Variants in NSUN2 observed in about 807,000 individuals in gnomAD.
The protein encoded by NSUN2 is NOP2/Sun RNA methyltransferase 2.
NSUN2 carries 63 observed loss-of-function variants against 92.7 expected under a neutral mutation model. The ratio of observed to expected loss-of-function variants is 0.68; its 90% confidence interval spans 0.56 to 0.84. The LOEUF is 0.84. NSUN2 is among the 40% of genes least tolerant of loss of function. The pLI is 0.00. For missense variants in NSUN2, 989 were observed against 964.9 expected (o/e 1.02, Z -0.33); for synonymous variants, 356 against 348.3 (o/e 1.02, Z -0.25).
At chr5:6,619,574 T>C (rs1737352064) in intron 7 of NSUN2, among the ~76,000 whole-genome samples, 1 of 152,210 alleles carries the variant, frequency 6.6e-6, no homozygotes, top group Non-Finnish European at 1.5e-5. Flanking sequence ...ACTCTAAATA[T>C]CTAAAATGTT....
intron 3 of NSUN2, among the ~76,000 whole-genome samples, chr5:6,628,876 C>T (rs1388784692): frequency 6.6e-6 from 1 of 152,078 alleles, no homozygotes; most frequent in Non-Finnish European, 1.5e-5. Flanking sequence ...AACTCCATCT[C>T]TACAAAAAAA....
rs139224594 is a variant in NSUN2 at position 6,600,205 on chromosome 5, G to A, written c.2025C>T (p.Ile675=). The A allele has an allele frequency of 7.4e-6, 12 of 1,614,142 alleles. No homozygotes were observed. The highest frequency in any genetic ancestry group is 5.3e-5 in the African/African-American group (4 of 75,042). The change falls in exon 19 of 19, where the codon ATC becomes ATT. Residue 675 remains isoleucine (I), a synonymous_variant. Transcript: ENST00000264670. ...SANPDALQCP[I]VLCGWRGKAS... is the part of the protein sequence containing the mutation. ...CCTTTCCCCGCCATCCGCATAAGACGATGGGACACTGCAGAGCGTCTGGAT... is the reference window on the plus strand; with the variant it reads ...CCTTTCCCCGCCATCCGCATAAGACAATGGGACACTGCAGAGCGTCTGGAT...
intron 3 of NSUN2, among the ~76,000 whole-genome samples, chr5:6,627,174 A>G (rs534411435): frequency 3.0e-4 from 46 of 152,218 alleles, no homozygotes; most frequent in South Asian, 8.3e-4. Context: ...AGCCAAAAGA[A>G]AATCATATTC....
rs751723544 is a variant in NSUN2 at position 6,606,772 on chromosome 5, CTATAG to C, written c.1601+43_1601+47del. The stretch of plus-strand genomic sequence containing the variant: ...TGTGATCAGTTGTACATTTGATACT[CTATAG>C]TAAATTTCTTTAAATGAATAATTAA... On this transcript the variant is annotated intron_variant, in intron 14 of 18. Coordinates refer to ENST00000264670, the MANE Select transcript of NSUN2 (RefSeq NM_017755.6). 11 of 1,028,366 alleles carry C rather than the reference CTATAG, an allele frequency of 1.1e-5. No homozygotes were observed. In the African/African-American group the frequency reaches 1.6e-4, roughly 15 times the overall value. 63.7% of individuals were successfully genotyped at this position (1,028,366 alleles called of 1,614,324 possible).
At position 6,613,434 on chromosome 5, in the gene NSUN2, G is replaced by A. The variant is rs745713917; in HGVS notation, c.1022-1636C>T. 7.7e-4 allele frequency among the ~76,000 whole-genome samples: 117 copies of A among 152,160 alleles called. 1 individual carries two copies. Among genetic ancestry groups the A allele is most frequent in the Non-Finnish European group, 1.5e-3 (100 of 68,042 alleles). On this transcript the variant is annotated intron_variant, in intron 9 of 18. Transcript: ENST00000264670. ...CTGGCTGTTCTTTGAAATCTCCTAT[G>A]TGGAGGCAGAAGCCAGCCCCTGACC...
intron 3 of NSUN2, 75 bp from the exon 4 acceptor site, chr5:6,625,744 C>T: frequency 1.0e-6 from 1 of 979,778 alleles, no homozygotes; most frequent in Non-Finnish European, 1.6e-6. Context: ...GTGCTTCTAT[C>T]AGTCGCATGC....
chr5:6,605,752 C>T (rs1336664974), intron 14 of NSUN2, among the ~76,000 whole-genome samples: 1 of 151,056 alleles, frequency 6.6e-6, no homozygotes, highest in Admixed American at 6.6e-5. Flanking sequence ...AGCTGGAGTG[C>T]AGTGGCGCAG....
At chr5:6,608,623 GAA>G (rs1213784422) in intron 12 of NSUN2, among the ~76,000 whole-genome samples, 1 of 152,206 alleles carries the variant, frequency 6.6e-6, no homozygotes, top group Non-Finnish European at 1.5e-5. Flanking sequence ...GGGGCTAATT[GAA>G]AAAATGTCAA....
intron 3 of NSUN2, among the ~76,000 whole-genome samples, chr5:6,631,599 G>A (rs1041670925): frequency 6.6e-6 from 1 of 152,220 alleles, no homozygotes; most frequent in African/African-American, 2.4e-5. Context: ...GGCTGTAAAA[G>A]GGAGCTGGCG....
In NSUN2 at chr5:6,607,144, C is replaced by A; in HGVS notation, c.1508+56G>T. On this transcript the variant is annotated intron_variant, in intron 13 of 18. Coordinates refer to ENST00000264670, the MANE Select transcript of NSUN2 (RefSeq NM_017755.6). ...AGTGGCTCTGGGATCCCATTTAATC[C>A]AAAAGGACTGTGAAGACACCAGCGT... is the stretch of plus-strand genomic sequence containing the variant. 8 of 1,567,106 alleles carry A rather than the reference C, an allele frequency of 5.1e-6. No individual in the cohort carries two copies. In the South Asian group the frequency reaches 9.2e-5, roughly 18 times the overall value.
chr5:6,607,427 T>A (rs1359606366), intron 12 of NSUN2, 43 bp from the exon 13 acceptor site: 1 of 1,536,224 alleles, frequency 6.5e-7, no homozygotes, highest in African/African-American at 1.4e-5. Context: ...AGAGGAGCAT[T>A]CTTTGTGCTG....
At position 6,600,007 on chromosome 5, in the gene NSUN2, G is replaced by A. The variant is rs137999360; in HGVS notation, c.2223C>T (p.Pro741=). Residue 741 remains proline, a synonymous_variant, in exon 19 of 19, where the codon CCC becomes CCT. Transcript: ENST00000264670. ...TGGCCTCTTCTGCATCTGGGCTGTT[G>A]GGCTCTCCTGCTCTCTGTCCCTCAG... ...DVTEGQRAGE[P]NSPDAEEANS... is the part of the protein sequence containing the mutation. 618 of 1,614,188 alleles carry A rather than the reference G, an allele frequency of 3.8e-4. 2 individuals carry two copies. In the African/African-American group the frequency reaches 6.8e-3, roughly 18 times the overall value.
chr5:6,630,246 C>T (rs1349738258), intron 3 of NSUN2, among the ~76,000 whole-genome samples: 2 of 152,182 alleles, frequency 1.3e-5, no homozygotes, highest in African/African-American at 2.4e-5. Flanking sequence ...ACGTAGCACC[C>T]GTATCATTTT....
At chr5:6,608,025 G>GT (rs1201483696) in intron 12 of NSUN2, among the ~76,000 whole-genome samples, 3 of 152,166 alleles carry the variant, frequency 2.0e-5, no homozygotes, top group Non-Finnish European at 2.9e-5. Flanking sequence ...GATAAAAGTC[G>GT]TAATTCCTCA....
intron 8 of NSUN2, among the ~76,000 whole-genome samples, chr5:6,617,587 A>G (rs1737261915): frequency 6.6e-6 from 1 of 152,232 alleles, no homozygotes; most frequent in Admixed American, 6.5e-5. Flanking sequence ...AATATTTCTA[A>G]GAGATCAAAA....
chr5:6,607,965 A>G (rs1385101528), intron 12 of NSUN2, among the ~76,000 whole-genome samples: 2 of 152,134 alleles, frequency 1.3e-5, no homozygotes, highest in African/African-American at 4.8e-5. Flanking sequence ...TTACTTAAAG[A>G]TCTTTAAAAA....
At chr5:6,630,130 C>T (rs930752818) in intron 3 of NSUN2, among the ~76,000 whole-genome samples, 1 of 152,176 alleles carries the variant, frequency 6.6e-6, no homozygotes, top group African/African-American at 2.4e-5. Context: ...AAAGCTTGAT[C>T]TCGTGAAGGT....
At chr5:6,622,176 T>C in intron 5 of NSUN2, 76 bp from the exon 6 acceptor site, 1 of 1,184,950 alleles carries the variant, frequency 8.4e-7, no homozygotes, top group Non-Finnish European at 1.2e-6. Context: ...GCAATTCTAG[T>C]TTTTCAATTT....
In NSUN2 at chr5:6,627,761, T is replaced by A. The variant is rs192420875; in HGVS notation, c.360-2092A>T. Reference sequence around the variant, plus strand: ...GCCCTGTTTCTACAAGAAATGTTTTTAAATTATGTTTCTTATACAGCTTTA... The same window carrying A: ...GCCCTGTTTCTACAAGAAATGTTTTAAAATTATGTTTCTTATACAGCTTTA... On this transcript the variant is annotated intron_variant, in intron 3 of 18. Coordinates refer to ENST00000264670, the MANE Select transcript of NSUN2 (RefSeq NM_017755.6). Among the ~76,000 whole-genome samples, 56 of 152,318 alleles carry A rather than the reference T, an allele frequency of 3.7e-4. No homozygotes were observed. In the East Asian group the frequency reaches 0.01, roughly 27 times the overall value.
Sources: allele counts gnomAD v4.1 joint callset (sites outside exome capture counted in the v4.1 genomes callset), GRCh38; gene constraint gnomAD v4.1.1; transcripts MANE v1.5; gene names NCBI Gene and HGNC (gene_info 2026-07-23, HGNC 2026-07-21).